Variants in SOX6 observed in about 807,000 individuals in gnomAD.
SOX6 encodes transcription factor SOX-6.
In SOX6, 11 loss-of-function variants were observed where a neutral mutation model predicts 97.8. That is an observed-to-expected ratio of 0.11 (90% CI 0.07 to 0.19). The LOEUF (loss-of-function observed/expected upper bound fraction) is 0.19, where lower values mean the gene tolerates loss of function less well. Among genes scored for constraint, SOX6 ranks in the 10% least tolerant of loss-of-function variants. The probability of loss-of-function intolerance (pLI) is 1.00; values close to 1 mark genes in which losing one functional copy is unlikely to be tolerated. For missense variants in SOX6, 810 were observed against 1,039.5 expected (o/e 0.78, Z 3.04); for synonymous variants, 360 against 371.4 (o/e 0.97, Z 0.35).
intron 6 of SOX6, among the ~76,000 whole-genome samples, chr11:16,180,831 A>C (rs1035172873): frequency 4.0e-5 from 6 of 151,846 alleles, no homozygotes; most frequent in Admixed American, 3.3e-4. Context: ...TTCAAGGAAG[A>C]CATATAAATA....
intron 9 of SOX6, among the ~76,000 whole-genome samples, chr11:16,079,063 T>C (rs1290423716): frequency 2.0e-5 from 3 of 152,152 alleles, no homozygotes; most frequent in African/African-American, 2.4e-5. Context: ...TAAAACAACA[T>C]GGCAGACCTG....
At chr11:16,371,146 C>T (rs763849188) in intron 1 of SOX6, among the ~76,000 whole-genome samples, 1 of 151,860 alleles carries the variant, frequency 6.6e-6, no homozygotes, top group Non-Finnish European at 1.5e-5. Flanking sequence ...CTATTATTTC[C>T]CCCCTTCACT....
chr11:16,372,121 G>A (rs1389751173), intron 1 of SOX6, among the ~76,000 whole-genome samples: 1 of 151,996 alleles, frequency 6.6e-6, no homozygotes, highest in Admixed American at 6.6e-5. Flanking sequence ...ATCTGGCATT[G>A]TATTGAACAT....
intron 1 of SOX6, among the ~76,000 whole-genome samples, chr11:16,417,130 A>T: frequency 6.6e-6 from 1 of 152,154 alleles, no homozygotes; most frequent in East Asian, 1.9e-4. Flanking sequence ...AGGAAAATCC[A>T]AATGTGCTTT....
intron 3 of SOX6, among the ~76,000 whole-genome samples, chr11:16,614,967 TAAA>T (rs1191174260): frequency 6.6e-6 from 1 of 152,102 alleles, no homozygotes; most frequent in Non-Finnish European, 1.5e-5. Flanking sequence ...AATTAAAAAT[TAAA>T]AATATAGCCA....
intron 1 of SOX6, among the ~76,000 whole-genome samples, chr11:16,364,042 C>A (rs1414365007): frequency 1.3e-5 from 2 of 152,152 alleles, no homozygotes; most frequent in Non-Finnish European, 2.9e-5. Context: ...TTTCCACGAA[C>A]ATGCAGAAAG....
At chr11:16,365,767 T>C (rs758596308) in intron 1 of SOX6, among the ~76,000 whole-genome samples, 1 of 152,188 alleles carries the variant, frequency 6.6e-6, no homozygotes, top group Non-Finnish European at 1.5e-5. Context: ...TTTGGTGTCA[T>C]GTTGACATCC....
intron 3 of SOX6, among the ~76,000 whole-genome samples, chr11:16,672,738 AAGACCCAGT>A (rs1458822971): frequency 6.6e-6 from 1 of 152,202 alleles, no homozygotes; most frequent in African/African-American, 2.4e-5. Context: ...AATAATATCA[AAGACCCAGT>A]GGTTGCTGCT....
At chr11:16,313,870 G>C (rs1368118706) in intron 3 of SOX6, 1 of 150,326 alleles carries the variant, frequency 6.7e-6, no homozygotes, top group African/African-American at 2.5e-5. Flanking sequence ...CTTCTGTCTT[G>C]GTCTCTACAC....
intron 3 of SOX6, among the ~76,000 whole-genome samples, chr11:16,710,620 A>T (rs1005231841): frequency 6.7e-6 from 1 of 149,034 alleles, no homozygotes; most frequent in Non-Finnish European, 1.5e-5. Context: ...GTGTTGAACT[A>T]CCTCTTTTAT....
At chr11:16,097,401 G>C (rs1159712252) in intron 8 of SOX6, among the ~76,000 whole-genome samples, 2 of 151,856 alleles carry the variant, frequency 1.3e-5, no homozygotes, top group Middle Eastern at 3.2e-3. Context: ...ATAGTATTAA[G>C]TCCTAATGTG....
In SOX6 at chr11:16,027,074, T is replaced by C. The variant is rs571484398; in HGVS notation, c.1624-12024A>G. 2.0e-5 allele frequency among the ~76,000 whole-genome samples: 3 copies of C among 152,274 alleles called. No individual in the cohort carries two copies. The East Asian group carries it at 5.8e-4, about 29-fold the overall frequency. The stretch of plus-strand genomic sequence containing the variant: ...AACATGTAGTTACCATAAAATAACA[T>C]AGAATTAACTGGTGTCACATTGCAC... On this transcript the variant is annotated intron_variant, in intron 12 of 15. Transcript: ENST00000683767.
intron 3 of SOX6, among the ~76,000 whole-genome samples, chr11:16,247,219 G>A (rs1853362823): frequency 6.6e-6 from 1 of 152,050 alleles, no homozygotes; most frequent in African/African-American, 2.4e-5. Context: ...TTGAATCCAT[G>A]TTGTTGTAAA....
At chr11:16,472,377 C>T (rs1046249849) in intron 1 of SOX6, among the ~76,000 whole-genome samples, 3 of 152,080 alleles carry the variant, frequency 2.0e-5, no homozygotes, top group Admixed American at 6.5e-5. Flanking sequence ...CTCAGATTTC[C>T]AGTAGAATAA....
At chr11:16,537,383 A>C (rs1590237044) in intron 4 of SOX6, among the ~76,000 whole-genome samples, 1 of 152,308 alleles carries the variant, frequency 6.6e-6, no homozygotes, top group Admixed American at 6.5e-5. Flanking sequence ...AGAGCAGAAA[A>C]GCTGAAAACT....
chr11:16,081,576 C>A (rs1160810474), intron 9 of SOX6, among the ~76,000 whole-genome samples: 1 of 152,012 alleles, frequency 6.6e-6, no homozygotes, highest in African/African-American at 2.4e-5. Context: ...CCAAGTGGAC[C>A]ATGGAATATT....
intron 2 of SOX6, among the ~76,000 whole-genome samples, chr11:16,725,498 T>TA (rs201103546): frequency 6.1e-5 from 9 of 146,636 alleles, no homozygotes; most frequent in South Asian, 4.3e-4. Flanking sequence ...GACCCTGTCT[T>TA]AAAAAAAAAA....
intron 13 of SOX6, among the ~76,000 whole-genome samples, chr11:16,004,720 G>A (rs1854500466): frequency 6.6e-6 from 1 of 151,914 alleles, no homozygotes; most frequent in Non-Finnish European, 1.5e-5. Context: ...AAAACTATAG[G>A]AAAAAGCTAA....
chr11:16,041,911 G>A (rs1397655744), intron 12 of SOX6, among the ~76,000 whole-genome samples: 3 of 152,092 alleles, frequency 2.0e-5, no homozygotes, highest in Admixed American at 6.6e-5. Flanking sequence ...GGACCAATAG[G>A]TTGACTCATT....
Sources: gnomAD v4.1 joint callset for allele counts (sites outside exome capture counted in the v4.1 genomes callset) on GRCh38, gnomAD v4.1.1 for gene constraint, MANE v1.5 for transcripts, NCBI Gene and HGNC (gene_info 2026-07-23, HGNC 2026-07-21) for gene names.